CRIM1: variants seen among roughly 807,000 people sequenced by gnomAD.
CRIM1 encodes the protein cysteine-rich motor neuron 1 protein.
In CRIM1, 32 loss-of-function variants were observed where a neutral mutation model predicts 116.4. That is an observed-to-expected ratio of 0.27 (90% confidence interval 0.21 to 0.37). The LOEUF (loss-of-function observed/expected upper bound fraction) is 0.37, where lower values mean the gene tolerates loss of function less well. Among genes scored for constraint, CRIM1 ranks in the 10% least tolerant of loss-of-function variants. The pLI is 1.00. For synonymous variants in CRIM1, 590 were observed against 509.2 expected, an observed-to-expected ratio of 1.16 and a Z score of -2.13; for missense variants, 1,331 against 1,354.8, an observed-to-expected ratio of 0.98 and a Z score of 0.28.
chr2:36,429,841 T>C (rs1004038153), intron 2 of CRIM1, among the ~76,000 whole-genome samples: 2 of 152,194 alleles, frequency 1.3e-5, no homozygotes, highest in Admixed American at 1.3e-4. Flanking sequence ...ACCAGTGGTC[T>C]AAAGAGTGTT....
chr2:36,356,571 C>A lies in CRIM1; in HGVS notation c.279C>A (p.Arg93=). 2 of 1,612,062 alleles carry A rather than the reference C, an allele frequency of 1.2e-6. No individual in the cohort carries two copies. Among genetic ancestry groups the A allele is most frequent in the Non-Finnish European group, 1.7e-6 (2 of 1,179,720 alleles). ...TCDRGLRCVI[R]PPLNGDSLTE... Reference sequence around the variant, plus strand: ...ACCGGGGGCTGCGTTGTGTCATCCGCCCCCCGCTCAATGGCGACTCCCTCA... The same window carrying A: ...ACCGGGGGCTGCGTTGTGTCATCCGACCCCCGCTCAATGGCGACTCCCTCA... Residue 93 remains arginine (R), a synonymous_variant, in exon 1 of 17, where the codon CGC becomes CGA. Transcript: ENST00000280527. The surrounding 1 kb of genome is among the most constrained non-coding windows in gnomAD (Gnocchi z 4.3).
intron 7 of CRIM1, among the ~76,000 whole-genome samples, chr2:36,481,651 A>G (rs988876946): frequency 6.6e-5 from 10 of 152,214 alleles, no homozygotes; most frequent in African/African-American, 2.4e-4. Flanking sequence ...TCAGAGCAAC[A>G]CTGCTGAAGC....
intron 4 of CRIM1, among the ~76,000 whole-genome samples, chr2:36,458,617 A>G (rs1220458987): frequency 6.6e-6 from 1 of 152,128 alleles, no homozygotes; most frequent in Non-Finnish European, 1.5e-5. Flanking sequence ...ACCAGTGCAA[A>G]GGCCCTATCT....
chr2:36,441,728 TTTCCTCTTTTC>T (rs1472681995), intron 3 of CRIM1, among the ~76,000 whole-genome samples: 1 of 152,136 alleles, frequency 6.6e-6, no homozygotes, highest in African/African-American at 2.4e-5. Flanking sequence ...GAGCGTGTCT[TTTCCTCTTTTC>T]TTCTTTTTTT....
intron 1 of CRIM1, among the ~76,000 whole-genome samples, chr2:36,390,587 T>G (rs1671499722): frequency 6.6e-6 from 1 of 152,054 alleles, no homozygotes; most frequent in Non-Finnish European, 1.5e-5. Flanking sequence ...TTTTGTTTGT[T>G]TGTTTGTTTT....
chr2:36,531,398 T>C lies in CRIM1; in HGVS notation c.2429-5954T>C, dbSNP rs181371047. 3.3e-3 allele frequency among the ~76,000 whole-genome samples: 504 copies of C among 151,388 alleles called. 2 individuals are homozygous for C. Among genetic ancestry groups the C allele is most frequent in the Non-Finnish European group, 3.6e-3 (244 of 67,800 alleles). The stretch of plus-strand genomic sequence containing the variant: ...CTGGAGATGCGTTTTTGGTTTTTGG[T>C]TTTTTGTTTTTTTTTTTTTCCAGAG... On this transcript the variant is annotated intron_variant, in intron 13 of 16. Transcript: ENST00000280527.
intron 6 of CRIM1, among the ~76,000 whole-genome samples, chr2:36,479,036 A>C (rs1679204061): frequency 6.6e-6 from 1 of 152,224 alleles, no homozygotes; most frequent in Non-Finnish European, 1.5e-5. Context: ...TCGTGCAGGT[A>C]CATGAGATAG....
chr2:36,546,660 C>T (rs1180279426), intron 15 of CRIM1, among the ~76,000 whole-genome samples: 3 of 151,370 alleles, frequency 2.0e-5, no homozygotes, highest in Non-Finnish European at 4.4e-5. Context: ...AAAATATTTT[C>T]ATGGTCTAAT....
chr2:36,528,007 T>C (rs1226485190), intron 13 of CRIM1, among the ~76,000 whole-genome samples: 3 of 152,176 alleles, frequency 2.0e-5, no homozygotes, highest in African/African-American at 7.2e-5. Flanking sequence ...ATCTATAAGA[T>C]GGCAATAATA....
intron 15 of CRIM1, among the ~76,000 whole-genome samples, chr2:36,545,253 T>C (rs973569592): frequency 1.9e-4 from 29 of 152,306 alleles, no homozygotes; most frequent in Non-Finnish European, 3.8e-4. Flanking sequence ...ACTCTAGATA[T>C]TCTAAACGTT....
chr2:36,415,752 T>G (rs1329392428), intron 2 of CRIM1, among the ~76,000 whole-genome samples: 1 of 152,196 alleles, frequency 6.6e-6, no homozygotes, highest in Non-Finnish European at 1.5e-5. Flanking sequence ...CTCCATCCCC[T>G]AACTGAGGAC....
intron 5 of CRIM1, among the ~76,000 whole-genome samples, chr2:36,476,605 ATGGTCATAAAGTTTAGCTT>A (rs1678994018): frequency 6.6e-6 from 1 of 152,216 alleles, no homozygotes; most frequent in Non-Finnish European, 1.5e-5. Flanking sequence ...TGTGAGTGTC[ATGGTCATAAAGTTTAGCTT>A]TGTCTGGGAT....
rs542352406 is a variant in CRIM1 at position 36,537,288 on chromosome 2, C to T, written c.2429-64C>T. ...TACAAAGCTATCCCTTGATCTCTCACGTCTAATAAGATCGTGTGCGTTGTC... is the reference window on the plus strand; with the variant it reads ...TACAAAGCTATCCCTTGATCTCTCATGTCTAATAAGATCGTGTGCGTTGTC... On this transcript the variant is annotated intron_variant, in intron 13 of 16. Coordinates refer to ENST00000280527, the MANE Select transcript of CRIM1 (RefSeq NM_016441.3). 4.5e-5 allele frequency: 64 copies of T among 1,436,876 alleles called. No homozygotes were observed. The African/African-American group carries it at 5.3e-4, about 12-fold the overall frequency. 89.0% of individuals were successfully genotyped at this position (1,436,876 alleles called of 1,614,324 possible).
At chr2:36,401,448 A>G (rs548791600) in intron 2 of CRIM1, among the ~76,000 whole-genome samples, 3 of 152,314 alleles carry the variant, frequency 2.0e-5, no homozygotes, top group South Asian at 4.1e-4. Context: ...GTGCCTTACT[A>G]CTTATTCATC....
rs532388434 is a variant in CRIM1, at chr2:36,410,739, G to GA, written c.505+13963dup. Among the ~76,000 whole-genome samples, 997 of 143,728 alleles carry GA rather than the reference G, an allele frequency of 6.9e-3. 9 individuals carry two copies. Among genetic ancestry groups the GA allele is most frequent in the African/African-American group, 0.022 (865 of 39,390 alleles). The allele number at this position is 143,728 out of a possible 152,430, so 94.3% of individuals were successfully genotyped here. A position where few individuals can be genotyped will look rare whatever the true frequency, so the allele number is the denominator to read the frequency against. On this transcript the variant is annotated intron_variant, in intron 2 of 16. Transcript: ENST00000280527. The stretch of plus-strand genomic sequence containing the variant: ...GTTATTTACTCTTCCTGCTGCTTTG[G>GA]AAAAAAAAAAAGTCCAATCTGCCTC...
chr2:36,512,935 G>C (rs986421176), intron 10 of CRIM1, among the ~76,000 whole-genome samples: 3 of 152,216 alleles, frequency 2.0e-5, no homozygotes, highest in Non-Finnish European at 4.4e-5. Flanking sequence ...TGAAGCCACT[G>C]AGCATGCACC....
intron 2 of CRIM1, among the ~76,000 whole-genome samples, chr2:36,415,075 G>A (rs147625538): frequency 3.3e-3 from 500 of 152,264 alleles, no homozygotes; most frequent in African/African-American, 0.012. Flanking sequence ...GGTGCTAGCA[G>A]AGGAGTTGGA....
chr2:36,533,458 C>T (rs1456011072), intron 13 of CRIM1, among the ~76,000 whole-genome samples: 3 of 150,780 alleles, frequency 2.0e-5, no homozygotes, highest in Non-Finnish European at 4.4e-5. Flanking sequence ...AAAAATTATC[C>T]AGGCATAATG....
In CRIM1 at chr2:36,457,022, A is replaced by G. The variant is rs371785906; in HGVS notation, c.870-7512A>G. Among the ~76,000 whole-genome samples, 8 of 152,190 alleles carry G rather than the reference A, an allele frequency of 5.3e-5. 1 individual carries two copies. The East Asian group carries it at 1.5e-3, about 29-fold the overall frequency. On this transcript the variant is annotated intron_variant, in intron 4 of 16. Transcript: ENST00000280527. The stretch of plus-strand genomic sequence containing the variant: ...ACTTTCCTTTCAACTTAGCACCTTA[A>G]GATAAGCTTCCGGAGCCACATGCCA...
Sources: allele counts gnomAD v4.1 joint callset (sites outside exome capture counted in the v4.1 genomes callset), GRCh38; gene constraint gnomAD v4.1.1; non-coding constraint Gnocchi (gnomAD v3.1); transcripts MANE v1.5; gene names NCBI Gene and HGNC (gene_info 2026-07-23, HGNC 2026-07-21).